Variants in SBF1 observed in about 807,000 individuals in gnomAD.
SBF1 encodes the protein SET binding factor 1.
A neutral mutation model predicts 215.8 loss-of-function variants in SBF1; 65 were observed. The ratio of observed to expected loss-of-function variants is 0.30; its 90% CI spans 0.25 to 0.37. The LOEUF (loss-of-function observed/expected upper bound fraction) is 0.37. Among genes scored for constraint, SBF1 ranks in the 10% least tolerant of loss-of-function variants. The pLI, the probability that SBF1 is intolerant of heterozygous loss-of-function variation, is 1.00. For synonymous variants in SBF1, 1,410 were observed against 1,122.8 expected (o/e 1.26, Z -5.11); for missense variants, 2,634 against 2,667.8 (o/e 0.99, Z 0.28).
chr22:50,467,276 C>CT, intron 5 of SBF1, 62 bp downstream of exon 5: 1 of 1,411,434 alleles, frequency 7.1e-7, no homozygotes, highest in Non-Finnish European at 9.9e-7. Flanking sequence ...CTCCAAATAC[C>CT]TACCAGGGCC....
At position 50,465,988 on chromosome 22, in the gene SBF1, C is replaced by T. The variant is rs1326630063; in HGVS notation, c.984G>A (p.Gln328=). 6.2e-6 allele frequency: 10 copies of T among 1,613,934 alleles called. No individual in the cohort carries two copies. The highest frequency in any genetic ancestry group is 2.2e-5 in the East Asian group (1 of 44,894). The change falls in exon 9 of 41, where the codon CAG becomes CAA. Residue 328 remains glutamine (Q), a synonymous_variant. Coordinates refer to ENST00000380817, the MANE Select transcript of SBF1 (RefSeq NM_002972.4). The part of the protein sequence containing the change: ...VHIPPLPEPL[Q]SQTHSVLSMV... Reference sequence around the variant, plus strand: ...TGCTCAGCACACTGTGCGTCTGACTCTGCAGTGGCTCTGGCAAGGGTGGAA... The same window carrying T: ...TGCTCAGCACACTGTGCGTCTGACTTTGCAGTGGCTCTGGCAAGGGTGGAA...
chr22:50,474,374 G>A (rs2068099087), intron 1 of SBF1, among the ~76,000 whole-genome samples: 2 of 152,336 alleles, frequency 1.3e-5, no homozygotes, highest in South Asian at 2.1e-4. Flanking sequence ...CCGCGCCCCT[G>A]GAGCCACTAG....
intron 28 of SBF1, 58 bp downstream of exon 28, chr22:50,459,197 T>C (rs2067390775): frequency 6.4e-7 from 1 of 1,551,324 alleles, no homozygotes; most frequent in Non-Finnish European, 8.7e-7. Flanking sequence ...AAACCATAAA[T>C]GCCACCACGG....
At chr22:50,459,909 A>G (rs1419676402) in intron 26 of SBF1, 43 bp downstream of exon 26, 10 of 1,591,144 alleles carry the variant, frequency 6.3e-6, no homozygotes, top group Non-Finnish European at 8.6e-6. Context: ...GAAGACACCC[A>G]GTCACGTGTC....
rs1189525169 is a variant in SBF1 at position 50,456,782 on chromosome 22, G to A, written c.3905-109C>T. 5 of 1,005,468 alleles carry A rather than the reference G, an allele frequency of 5.0e-6. 1 individual carries two copies. The South Asian group carries it at 5.3e-5, about 11-fold the overall frequency. 62.3% of individuals were successfully genotyped at this position (1,005,468 alleles called of 1,614,324 possible). On this transcript the variant is annotated intron_variant, in intron 29 of 40. Coordinates refer to ENST00000380817, the MANE Select transcript of SBF1 (RefSeq NM_002972.4). ...GGGGCTGAGCTCCCAGGGCAGGGGTGGTTGGCAGGACCCCAGCAGGGCCGT... is the reference window on the plus strand; with the variant it reads ...GGGGCTGAGCTCCCAGGGCAGGGGTAGTTGGCAGGACCCCAGCAGGGCCGT...
rs114543782 is a variant in SBF1 at position 50,455,443 on chromosome 22, C to T, written c.4369-34G>A. The T allele has an allele frequency of 6.2e-4, 1,006 of 1,612,208 alleles. 4 individuals carry two copies. The African/African-American group carries it at 0.012, about 19-fold the overall frequency. ...ACCGCCAGGAGGTCAGCGAGGAGCC[C>T]GGGAGCCTGGCCCACCCCAGCCCCA... On this transcript the variant is annotated intron_variant, in intron 32 of 40. Coordinates refer to ENST00000380817, the MANE Select transcript of SBF1 (RefSeq NM_002972.4).
intron 1 of SBF1, among the ~76,000 whole-genome samples, chr22:50,472,718 GCCACACTCCTCTGCTTCTTCCCCCAGCTC>G (rs1180493513): frequency 6.6e-6 from 1 of 152,172 alleles, no homozygotes; most frequent in Non-Finnish European, 1.5e-5. Context: ...TGACCCCCAC[GCCACACTCCTCTGCTTCTTCCCCCAGCTC>G]CCACCGGCCC....
rs568440150 is a variant in SBF1, at chr22:50,461,850, G to A, written c.2589C>T (p.Ile863=). The change falls in exon 21 of 41, where the codon ATC becomes ATT. Residue 863 remains isoleucine (I), a synonymous_variant. Transcript: ENST00000380817. ...CCCGCTGCACGGCCTCCAGGGTCTC[G>A]ATGTGCATCTGGACAATGTCTGGGG... ...VMVPDIVQMH[I]ETLEAVQRES... 65 of 1,613,898 alleles carry A rather than the reference G, an allele frequency of 4.0e-5. No individual in the cohort carries two copies. Among genetic ancestry groups the A allele is most frequent in the South Asian group, 8.8e-5 (8 of 91,090 alleles).
chr22:50,467,440 A>G lies in SBF1; in HGVS notation c.447T>C (p.Leu149=), dbSNP rs2067816098. The G allele has an allele frequency of 6.2e-7, 1 of 1,614,072 alleles. No individual in the cohort carries two copies. Among genetic ancestry groups the G allele is most frequent in the Admixed American group, 1.7e-5 (1 of 59,998 alleles). ...LDHTEVFRNS[L]GLIYAIHVEG... ...CCACGTGGATGGCATAGATGAGGCC[A>G]AGGCTGTTCTGCAATGACCAGAGCG... The change falls in exon 5 of 41, where the codon CTT becomes CTC. Residue 149 remains leucine (L), a synonymous_variant. Coordinates refer to ENST00000380817, the MANE Select transcript of SBF1 (RefSeq NM_002972.4).
chr22:50,462,555 G>A lies in SBF1; in HGVS notation c.2127+4C>T, dbSNP rs151027707. The A allele has an allele frequency of 2.5e-3, 3,997 of 1,609,502 alleles. 59 individuals carry two copies. In the African/African-American group the frequency reaches 0.034, roughly 14 times the overall value. On this transcript the variant is annotated splice_donor_region_variant and intron_variant, in intron 18 of 40. Transcript: ENST00000380817. ...AGCCCCCAGCCCAGGGAGTCCCTGC[G>A]CACCTGGGCGGGGGCCAGGTCCTCC... is the stretch of plus-strand genomic sequence containing the variant.
chr22:50,462,603 G>T lies in SBF1; in HGVS notation c.2083C>A (p.Arg695=), dbSNP rs556513677. 2 of 1,612,324 alleles carry T rather than the reference G, an allele frequency of 1.2e-6. No individual in the cohort carries two copies. Among genetic ancestry groups the T allele is most frequent in the African/African-American group, 2.7e-5 (2 of 75,036 alleles). Residue 695 remains arginine (R), a synonymous_variant, in exon 18 of 41, where the codon CGG becomes AGG. Coordinates refer to ENST00000380817, the MANE Select transcript of SBF1 (RefSeq NM_002972.4). Reference sequence around the variant, plus strand: ...TCCGTGGGCTCCAGGTAGAGGGCCCGGATGTGAGTCTGCACATCCCCATAG... The same window carrying T: ...TCCGTGGGCTCCAGGTAGAGGGCCCTGATGTGAGTCTGCACATCCCCATAG... ...MFYGDVQTHI[R]ALYLEPTEDL...
rs769559216 is a variant in SBF1, at chr22:50,445,297, T to G, written c.*1845A>C. On this transcript the variant is annotated 3_prime_UTR_variant, in exon 41 of 41. Transcript: ENST00000380817. ...CGTTTGGGGGATGGGGGGAACCACTTCGCCTAACGCTCAAACACATCAACC... is the reference window on the plus strand; with the variant it reads ...CGTTTGGGGGATGGGGGGAACCACTGCGCCTAACGCTCAAACACATCAACC... 1 of 152,498 alleles carries G rather than the reference T, an allele frequency of 6.6e-6. No individual in the cohort carries two copies. Among genetic ancestry groups the G allele is most frequent in the Non-Finnish European group, 1.5e-5 (1 of 68,454 alleles). The allele number at this position is 152,498 out of a possible 1,614,324, so 9.4% of individuals were successfully genotyped here. A position where few individuals can be genotyped will look rare whatever the true frequency, so the allele number is the denominator to read the frequency against.
chr22:50,460,772 C>CT, intron 23 of SBF1, 60 bp from the exon 24 acceptor site: 1 of 1,540,282 alleles, frequency 6.5e-7, no homozygotes, highest in South Asian at 1.2e-5. Flanking sequence ...TCCCCCAACT[C>CT]TGACACTGCC....
In SBF1 at chr22:50,461,900, C is replaced by T. The variant is rs761836238; in HGVS notation, c.2570-31G>A. On this transcript the variant is annotated intron_variant, in intron 20 of 40. Coordinates refer to ENST00000380817, the MANE Select transcript of SBF1 (RefSeq NM_002972.4). Reference sequence around the variant, plus strand: ...GGAAGACAGTTCTCACACTTTGTGCCCAGCCCCACCCATCCAAGGGGGAAT... The same window carrying T: ...GGAAGACAGTTCTCACACTTTGTGCTCAGCCCCACCCATCCAAGGGGGAAT... 7 of 1,614,004 alleles carry T rather than the reference C, an allele frequency of 4.3e-6. No individual in the cohort carries two copies. In the East Asian group the frequency reaches 1.6e-4, roughly 36 times the overall value.
At position 50,461,125 on chromosome 22, in the gene SBF1, G is replaced by C. The variant is rs1191559427; in HGVS notation, c.2967+34C>G. On this transcript the variant is annotated intron_variant, in intron 23 of 40. Coordinates refer to ENST00000380817, the MANE Select transcript of SBF1 (RefSeq NM_002972.4). ...GTTTGCAGGAGAAAGACCAGGGCGG[G>C]GGATGAGAGCCCCACCCGCGCACCG... 2.6e-6 allele frequency: 4 copies of C among 1,565,018 alleles called. No individual in the cohort carries two copies. In the East Asian group the frequency reaches 6.8e-5, roughly 27 times the overall value.
chr22:50,455,904 C>T (rs2067227248), intron 31 of SBF1: 2 of 561,276 alleles, frequency 3.6e-6, no homozygotes, highest in African/African-American at 3.8e-5. Context: ...GTACCCACCC[C>T]CGAGAGAATG....
chr22:50,461,315 CA>C, intron 22 of SBF1, 29 bp from the exon 23 acceptor site: 4 of 1,520,676 alleles, frequency 2.6e-6, no homozygotes, highest in Non-Finnish European at 3.5e-6. Context: ...GAGTCAGAAG[CA>C]AGGAAGGTAA....
At chr22:50,468,225 G>A (rs1195082803) in intron 2 of SBF1, 151 bp downstream of exon 2, 16 of 760,058 alleles carry the variant, frequency 2.1e-5, no homozygotes, top group Non-Finnish European at 3.1e-5. Flanking sequence ...GGCCAAGCCG[G>A]TCAAACCCCC....
intron 17 of SBF1, 22 bp from the exon 18 acceptor site, chr22:50,462,739 G>T: frequency 6.2e-7 from 1 of 1,610,474 alleles, no homozygotes; most frequent in Non-Finnish European, 8.5e-7. Context: ...AGGGGAGAAG[G>T]TCAGCTGGAT....
Sources: gnomAD v4.1 joint callset for allele counts (sites outside exome capture counted in the v4.1 genomes callset) on GRCh38, gnomAD v4.1.1 for gene constraint, MANE v1.5 for transcripts, NCBI Gene and HGNC (gene_info 2026-07-23, HGNC 2026-07-21) for gene names.